AXDND1: variants seen among roughly 807,000 people sequenced by gnomAD.
The protein encoded by AXDND1 is axonemal dynein light chain domain-containing protein 1.
In AXDND1, 110 loss-of-function variants were observed where a neutral mutation model predicts 137.5. That is an observed-to-expected ratio of 0.80 (90% CI 0.69 to 0.94). The LOEUF (loss-of-function observed/expected upper bound fraction) is 0.94, where lower values mean the gene tolerates loss of function less well. Ranked by LOEUF, AXDND1 falls within the 40% of genes least tolerant of loss-of-function variation. AXDND1 has a pLI of 0.00. For synonymous variants in AXDND1, 414 were observed against 399.7 expected, an observed-to-expected ratio of 1.04 and a Z score of -0.43; for missense variants, 1,191 against 1,169.8, an observed-to-expected ratio of 1.02 and a Z score of -0.26.
At chr1:179,507,700 C>T (rs1206631133) in intron 20 of AXDND1, among the ~76,000 whole-genome samples, 1 of 152,078 alleles carries the variant, frequency 6.6e-6, no homozygotes, top group African/African-American at 2.4e-5. Flanking sequence ...CTTCCCCCAA[C>T]TCCCTCAGAA....
chr1:179,374,044 C>T (rs1668324095), intron 4 of AXDND1, among the ~76,000 whole-genome samples: 1 of 152,134 alleles, frequency 6.6e-6, no homozygotes, highest in African/African-American at 2.4e-5. Flanking sequence ...AACAGGCAAC[C>T]TACAGAATGG....
chr1:179,426,405 A>T (rs905970912), intron 12 of AXDND1, among the ~76,000 whole-genome samples: 6 of 152,220 alleles, frequency 3.9e-5, no homozygotes, highest in Non-Finnish European at 8.8e-5. Context: ...AAGATGGAAC[A>T]TACAGAATAA....
chr1:179,447,355 C>T (rs1356835293), intron 16 of AXDND1, among the ~76,000 whole-genome samples: 1 of 152,188 alleles, frequency 6.6e-6, no homozygotes, highest in Non-Finnish European at 1.5e-5. Context: ...AACACAATAA[C>T]CTCCAGTTCC....
intron 20 of AXDND1, among the ~76,000 whole-genome samples, chr1:179,505,597 G>A (rs12023357): frequency 0.13 from 18,896 of 150,734 alleles, 1,361 homozygotes; most frequent in African/African-American, 0.16. Flanking sequence ...GTGCCGAGCC[G>A]AGATTGCTCC....
At chr1:179,548,502 C>T (rs1230848738) in intron 25 of AXDND1, among the ~76,000 whole-genome samples, 1 of 152,162 alleles carries the variant, frequency 6.6e-6, no homozygotes. Flanking sequence ...CAGAAGAAGC[C>T]GTTGGAAGTG....
At chr1:179,504,997 C>G (rs1189137546) in intron 20 of AXDND1, among the ~76,000 whole-genome samples, 1 of 152,128 alleles carries the variant, frequency 6.6e-6, no homozygotes, top group East Asian at 1.9e-4. Flanking sequence ...CTGAGGTACT[C>G]TTTAAAAAAA....
intron 15 of AXDND1, among the ~76,000 whole-genome samples, chr1:179,443,306 A>G (rs1235496441): frequency 6.6e-6 from 1 of 152,238 alleles, no homozygotes; most frequent in African/African-American, 2.4e-5. Flanking sequence ...TAATTGTCAG[A>G]CATAAGTAAT....
intron 25 of AXDND1, among the ~76,000 whole-genome samples, chr1:179,547,240 G>C (rs570366157): frequency 6.6e-6 from 1 of 152,302 alleles, no homozygotes; most frequent in Admixed American, 6.5e-5. Context: ...GTGCTTGCTA[G>C]GTGAGCCTGA....
chr1:179,420,718 GTTCAAGCAA>G (rs1342976127), intron 12 of AXDND1, among the ~76,000 whole-genome samples: 1 of 151,670 alleles, frequency 6.6e-6, no homozygotes, highest in Admixed American at 6.6e-5. Context: ...CATTTCCCAG[GTTCAAGCAA>G]TTCTCGTGTC....
intron 9 of AXDND1, among the ~76,000 whole-genome samples, chr1:179,390,850 A>G (rs746985053): frequency 4.6e-5 from 7 of 151,946 alleles, no homozygotes; most frequent in African/African-American, 9.7e-5. Flanking sequence ...CTTGTTGCCC[A>G]GGCTGGAGCG....
At chr1:179,547,330 T>C (rs1291588920) in intron 25 of AXDND1, among the ~76,000 whole-genome samples, 1 of 152,070 alleles carries the variant, frequency 6.6e-6, no homozygotes, top group African/African-American at 2.4e-5. Context: ...CTCAGAAAAA[T>C]GTAGAGCTCA....
chr1:179,551,022 C>G, intron 25 of AXDND1: 1 of 879,796 alleles, frequency 1.1e-6, no homozygotes, highest in Non-Finnish European at 1.8e-6. Flanking sequence ...TCACCGTCTT[C>G]TCATGGATGG....
chr1:179,446,559 C>T (rs1558190307), intron 16 of AXDND1, among the ~76,000 whole-genome samples: 1 of 152,206 alleles, frequency 6.6e-6, no homozygotes, highest in African/African-American at 2.4e-5. Context: ...CCAGGTGATT[C>T]TGTTGCCAGT....
At position 179,394,009 on chromosome 1, in the gene AXDND1, T is replaced by A; in HGVS notation, c.970T>A (p.Tyr324Asn). ...GGACCAGCGCATTTTAGAAGAATTGTATAATTTCAAGCATGTTATTGAAGA... is the reference window on the plus strand; with the variant it reads ...GGACCAGCGCATTTTAGAAGAATTGAATAATTTCAAGCATGTTATTGAAGA... Reference protein sequence around the residue: ...VMDQRILEELYNFKHVIEELT... With the variant: ...VMDQRILEELNNFKHVIEELT... The change falls in exon 10 of 26, where the codon TAT becomes AAT. Residue 324 changes from tyrosine (Y) to asparagine (N), a missense_variant. Physicochemically the swap from Tyr to Asn is moderately radical, Grantham distance 143. Coordinates refer to ENST00000367618, the MANE Select transcript of AXDND1 (RefSeq NM_144696.6). The A allele has an allele frequency of 6.2e-7, 1 of 1,609,640 alleles. No homozygotes were observed. The highest frequency in any genetic ancestry group is 8.5e-7 in the Non-Finnish European group (1 of 1,178,630).
chr1:179,379,745 A>C (rs1203386799), intron 6 of AXDND1, among the ~76,000 whole-genome samples: 1 of 144,728 alleles, frequency 6.9e-6, no homozygotes, highest in African/African-American at 2.6e-5. Flanking sequence ...GCAGTGAGCC[A>C]AGATTGCACC....
chr1:179,420,862 C>T (rs889577488), intron 12 of AXDND1, among the ~76,000 whole-genome samples: 7 of 152,094 alleles, frequency 4.6e-5, no homozygotes, highest in African/African-American at 1.7e-4. Flanking sequence ...CTCAAGTGAT[C>T]TGCCTGCCCC....
chr1:179,552,562 C>A, intron 25 of AXDND1: 1 of 1,528,544 alleles, frequency 6.5e-7, no homozygotes, highest in South Asian at 1.1e-5. Flanking sequence ...ACGAGCAGGC[C>A]TTCCTAAAGG....
intron 15 of AXDND1, among the ~76,000 whole-genome samples, chr1:179,443,889 A>G (rs1659346583): frequency 6.6e-6 from 1 of 152,282 alleles, no homozygotes; most frequent in South Asian, 2.1e-4. Context: ...AGGAAAATAT[A>G]AGTGACATTG....
At position 179,384,652 on chromosome 1, in the gene AXDND1, A is replaced by G. The variant is rs139851676; in HGVS notation, c.742-586A>G. On this transcript the variant is annotated intron_variant, in intron 8 of 25. Transcript: ENST00000367618. ...CAGTTACTCTGTAGAATGTTCTTCA[A>G]TTTTGGTTTGTCAGATGTATAGTCA... is the stretch of plus-strand genomic sequence containing the variant. Among the ~76,000 whole-genome samples, 128 of 152,154 alleles carry G rather than the reference A, an allele frequency of 8.4e-4. 1 individual carries two copies. The highest frequency in any genetic ancestry group is 3.4e-3 in the Middle Eastern group (1 of 294).
Sources: allele counts gnomAD v4.1 joint callset (sites outside exome capture counted in the v4.1 genomes callset), GRCh38; gene constraint gnomAD v4.1.1; transcripts MANE v1.5; gene names NCBI Gene and HGNC (gene_info 2026-07-23, HGNC 2026-07-21).